XKR6: variants seen among roughly 807,000 people sequenced by gnomAD.
The protein encoded by XKR6 is XK related 6, also known as XK-related protein 6.
A neutral mutation model predicts 56.7 loss-of-function variants in XKR6; 22 were observed. The ratio of observed to expected loss-of-function variants is 0.39; its 90% CI spans 0.28 to 0.55. The LOEUF is 0.55. XKR6 is among the 20% of genes least tolerant of loss of function. XKR6 has a pLI of 0.66. For missense variants in XKR6, 852 were observed against 889.0 expected (o/e 0.96, Z 0.53); for synonymous variants, 524 against 387.8 (o/e 1.35, Z -4.13).
At chr8:10,965,728 C>T (rs1168034239) in intron 1 of XKR6, among the ~76,000 whole-genome samples, 2 of 152,200 alleles carry the variant, frequency 1.3e-5, no homozygotes, top group African/African-American at 2.4e-5. Context: ...GGCTGTCTGA[C>T]GGGATTTGGC....
At chr8:10,999,109 C>T (rs185359714) in intron 1 of XKR6, among the ~76,000 whole-genome samples, 2 of 152,188 alleles carry the variant, frequency 1.3e-5, no homozygotes, top group Non-Finnish European at 2.9e-5. Context: ...GGTCTAGCTG[C>T]CTTATTCTTT....
At chr8:10,958,472 G>T (rs1364272179) in intron 1 of XKR6, among the ~76,000 whole-genome samples, 2 of 152,232 alleles carry the variant, frequency 1.3e-5, no homozygotes, top group African/African-American at 4.8e-5. Context: ...AGCTACTCAG[G>T]GCAGGGGTCA....
intron 1 of XKR6, among the ~76,000 whole-genome samples, chr8:10,928,132 A>G (rs373968163): frequency 9.2e-5 from 14 of 152,110 alleles, no homozygotes; most frequent in East Asian, 7.7e-4. Flanking sequence ...TCCAACCCCC[A>G]CTTTATAGTG....
At chr8:11,155,458 A>T (rs1462875559) in intron 1 of XKR6, among the ~76,000 whole-genome samples, 3 of 152,216 alleles carry the variant, frequency 2.0e-5, no homozygotes, top group African/African-American at 7.2e-5. Flanking sequence ...ATTAATAAAG[A>T]CTTCACAACA....
intron 1 of XKR6, among the ~76,000 whole-genome samples, chr8:11,050,205 A>T (rs2129159397): frequency 6.6e-6 from 1 of 152,338 alleles, no homozygotes; most frequent in East Asian, 1.9e-4. Flanking sequence ...TAACAGAGAC[A>T]AGCGTGCCAG....
At chr8:11,122,163 C>G (rs1799490517) in intron 1 of XKR6, among the ~76,000 whole-genome samples, 1 of 152,226 alleles carries the variant, frequency 6.6e-6, no homozygotes, top group Non-Finnish European at 1.5e-5. Flanking sequence ...GATCTTAAGT[C>G]TCCAAGCCCA....
At chr8:11,122,729 C>T (rs1414284331) in intron 1 of XKR6, among the ~76,000 whole-genome samples, 1 of 152,208 alleles carries the variant, frequency 6.6e-6, no homozygotes, top group Non-Finnish European at 1.5e-5. Flanking sequence ...TTGGTAATCA[C>T]TGTCAATCTG....
intron 1 of XKR6, chr8:11,123,811 T>A: frequency 2.2e-6 from 1 of 455,696 alleles, no homozygotes; most frequent in Non-Finnish European, 4.4e-6. Flanking sequence ...TGCCAGACAC[T>A]ATTTGGAAAT....
At chr8:11,161,435 C>G (rs907505558) in intron 1 of XKR6, among the ~76,000 whole-genome samples, 5 of 152,198 alleles carry the variant, frequency 3.3e-5, no homozygotes, top group Non-Finnish European at 5.9e-5. Context: ...CCCTAAAAAC[C>G]TAGATTGTCT....
chr8:11,115,561 T>C (rs543941560), intron 1 of XKR6, among the ~76,000 whole-genome samples: 2 of 152,344 alleles, frequency 1.3e-5, no homozygotes, highest in African/African-American at 4.8e-5. Flanking sequence ...AACATTATCG[T>C]TCAATGTTTT....
chr8:11,081,517 C>A (rs182381783), intron 1 of XKR6, among the ~76,000 whole-genome samples: 5 of 152,162 alleles, frequency 3.3e-5, no homozygotes, highest in African/African-American at 1.2e-4. Context: ...TCATTTTAAT[C>A]GAGAAATTAA....
At chr8:10,956,787 G>T (rs10096872) in intron 1 of XKR6, among the ~76,000 whole-genome samples, 28,585 of 152,102 alleles carry the variant, frequency 0.19, 3,629 homozygotes, top group African/African-American at 0.36. Flanking sequence ...GACAGAAGGG[G>T]ATTGAACTAG....
intron 1 of XKR6, among the ~76,000 whole-genome samples, chr8:11,038,970 C>G (rs1009561213): frequency 1.3e-5 from 2 of 152,170 alleles, no homozygotes; most frequent in African/African-American, 4.8e-5. Context: ...GCTTACCGCC[C>G]AACTCAGTTG....
intron 1 of XKR6, among the ~76,000 whole-genome samples, chr8:11,074,116 C>T (rs949892257): frequency 2.6e-5 from 4 of 152,250 alleles, no homozygotes; most frequent in Non-Finnish European, 4.4e-5. Context: ...TCTTCAAAGA[C>T]GCAGCTTTGA....
At chr8:11,060,404 C>A (rs189872450) in intron 1 of XKR6, among the ~76,000 whole-genome samples, 1 of 152,214 alleles carries the variant, frequency 6.6e-6, no homozygotes, top group South Asian at 2.1e-4. Context: ...AAACCTAGAG[C>A]CCCTGCCTCC....
At chr8:11,070,773 G>A (rs917637133) in intron 1 of XKR6, among the ~76,000 whole-genome samples, 2 of 152,184 alleles carry the variant, frequency 1.3e-5, no homozygotes, top group African/African-American at 4.8e-5. Context: ...TCCTAATTTA[G>A]AGATCGTGAA....
intron 1 of XKR6, among the ~76,000 whole-genome samples, chr8:11,121,000 C>G: frequency 6.6e-6 from 1 of 152,190 alleles, no homozygotes; most frequent in Non-Finnish European, 1.5e-5. Flanking sequence ...AAAGCTGAAA[C>G]TGGATCCCTT....
At chr8:11,081,248 T>A (rs754392911) in intron 1 of XKR6, among the ~76,000 whole-genome samples, 9 of 152,238 alleles carry the variant, frequency 5.9e-5, no homozygotes, top group Non-Finnish European at 8.8e-5. Context: ...ATCCAGCAGA[T>A]GGACTTTACC....
intron 1 of XKR6, among the ~76,000 whole-genome samples, chr8:11,051,535 A>C (rs1318856360): frequency 1.3e-5 from 2 of 152,160 alleles, no homozygotes; most frequent in African/African-American, 2.4e-5. Context: ...CACATTATCC[A>C]GTTGCTCAAG....
Sources: allele counts gnomAD v4.1 joint callset (sites outside exome capture counted in the v4.1 genomes callset), GRCh38; gene constraint gnomAD v4.1.1; transcripts MANE v1.5; gene names NCBI Gene and HGNC (gene_info 2026-07-23, HGNC 2026-07-21).